The following FANCM variants were observed in gnomAD, a reference collection of about 807,000 sequenced individuals.
The protein encoded by FANCM is FA complementation group M, also known as Fanconi anemia group M protein.
FANCM carries 140 observed loss-of-function variants against 199.5 expected under a neutral mutation model. The ratio of observed to expected loss-of-function variants is 0.70; its 90% CI spans 0.61 to 0.81. The LOEUF (loss-of-function observed/expected upper bound fraction) is 0.81. FANCM is among the 30% of genes least tolerant of loss of function. The pLI is 0.00. For synonymous variants in FANCM, 840 were observed against 836.8 expected (o/e 1.00, Z -0.07); for missense variants, 2,410 against 2,421.4 (o/e 1.00, Z 0.10).
chr14:45,138,951 T>C (rs1326058047), intron 2 of FANCM, among the ~76,000 whole-genome samples: 3 of 152,254 alleles, frequency 2.0e-5, no homozygotes, highest in Non-Finnish European at 4.4e-5. Flanking sequence ...GTAATAGTTC[T>C]GGAAGGCATA....
chr14:45,190,688 C>T (rs1490115925), intron 20 of FANCM, among the ~76,000 whole-genome samples: 1 of 151,854 alleles, frequency 6.6e-6, no homozygotes, highest in Non-Finnish European at 1.5e-5. Flanking sequence ...CACAATGGTC[C>T]TCATATTTGT....
At chr14:45,166,811 A>G (rs1312813150) in intron 10 of FANCM, 139 bp from the exon 11 acceptor site, 7 of 632,118 alleles carry the variant, frequency 1.1e-5, no homozygotes, top group Middle Eastern at 4.3e-4. Context: ...AGACAACAGA[A>G]GCTCCATTTT....
At chr14:45,144,738 T>A (rs1304100483) in intron 3 of FANCM, among the ~76,000 whole-genome samples, 1 of 152,156 alleles carries the variant, frequency 6.6e-6, no homozygotes, top group Non-Finnish European at 1.5e-5. Context: ...TTCAGAGAAG[T>A]GGGTTCCCCT....
chr14:45,173,025 A>T (rs758485708), intron 12 of FANCM, 30 bp from the exon 13 acceptor site: 210 of 1,517,614 alleles, frequency 1.4e-4, no homozygotes, highest in Non-Finnish European at 1.8e-4. Flanking sequence ...GTATGTTTTC[A>T]TCATTTTTAT....
chr14:45,160,741 C>T (rs1887544353), intron 9 of FANCM, among the ~76,000 whole-genome samples: 1 of 151,944 alleles, frequency 6.6e-6, no homozygotes, highest in South Asian at 2.1e-4. Context: ...CGGGGTTTCA[C>T]CGTGTTACCC....
chr14:45,148,932 A>G lies in FANCM; in HGVS notation c.855A>G (p.Lys285=). 8.7e-6 allele frequency: 14 copies of G among 1,613,862 alleles called. No individual in the cohort carries two copies. Among genetic ancestry groups the G allele is most frequent in the Non-Finnish European group, 1.1e-5 (13 of 1,179,836 alleles). The change falls in exon 4 of 23, where the codon AAA becomes AAG. Residue 285 remains lysine (K), a synonymous_variant. Transcript: ENST00000267430. Reference sequence around the variant, plus strand: ...TTTTGACATATTCTCATGAAAGAAAAGTTGAAAAGCTTATTGTTCCGCTTG... The same window carrying G: ...TTTTGACATATTCTCATGAAAGAAAGGTTGAAAAGCTTATTGTTCCGCTTG... The part of the protein sequence containing the change: ...PDILTYSHER[K]VEKLIVPLGE...
At position 45,192,143 on chromosome 14, in the gene FANCM, A is replaced by G. The variant is rs1438362649; in HGVS notation, c.5340+2781A>G. On this transcript the variant is annotated intron_variant, in intron 20 of 22. Transcript: ENST00000267430. ...AAAGATAGAAAGTCCATCTTAAGTT[A>G]TGATGTAGAAAGGTGGAGGGAGTAT... is the stretch of plus-strand genomic sequence containing the variant. Among the ~76,000 whole-genome samples the G allele has an allele frequency of 4.6e-5, 7 of 152,252 alleles. No individual in the cohort carries two copies. In the East Asian group the frequency reaches 1.3e-3, roughly 29 times the overall value.
chr14:45,181,520 C>T lies in FANCM; in HGVS notation c.4313C>T (p.Pro1438Leu). ...GCAAAAGGAAATGTTTTAAACTCTCCTGAGGTGAGTCATTCAGTAATCACA... is the reference window on the plus strand; with the variant it reads ...GCAAAAGGAAATGTTTTAAACTCTCTTGAGGTGAGTCATTCAGTAATCACA... ...KRAKGNVLNSPEDQKNSEVDS... is the reference protein window; with the variant it reads ...KRAKGNVLNSLEDQKNSEVDS... The change falls in exon 15 of 23, where the codon CCT becomes CTT. Residue 1438 changes from proline (P) to leucine (L), a missense_variant. Transcript: ENST00000267430. 1 of 1,594,788 alleles carries T rather than the reference C, an allele frequency of 6.3e-7. No individual in the cohort carries two copies. Among genetic ancestry groups the T allele is most frequent in the Non-Finnish European group, 8.6e-7 (1 of 1,162,636 alleles).
chr14:45,185,424 A>C lies in FANCM; in HGVS notation c.4672+51A>C, dbSNP rs370122844. 4.3e-5 allele frequency: 45 copies of C among 1,042,608 alleles called. No individual in the cohort carries two copies. The East Asian group carries it at 1.1e-3, about 25-fold the overall frequency. 64.6% of individuals were successfully genotyped at this position (1,042,608 alleles called of 1,614,324 possible). ...TTTTTTTCAATGTTTTTATGTGCTT[A>C]TATTTAAATATTTTAATCAGTTTTT... is the stretch of plus-strand genomic sequence containing the variant. On this transcript the variant is annotated intron_variant, in intron 18 of 22. Transcript: ENST00000267430.
chr14:45,143,312 G>A (rs1311440166), intron 3 of FANCM, among the ~76,000 whole-genome samples: 1 of 151,894 alleles, frequency 6.6e-6, no homozygotes, highest in Non-Finnish European at 1.5e-5. Flanking sequence ...GACTACAGGT[G>A]CCTGCCACCA....
chr14:45,155,469 A>G lies in FANCM; in HGVS notation c.1396+10A>G, dbSNP rs371211104. ...TTCAAGTCATGGAATGGTAGGTCAT[A>G]TTTAGTAGCTTTAAGGCAAGACAAA... On this transcript the variant is annotated intron_variant, in intron 8 of 22. Transcript: ENST00000267430. 87 of 1,353,526 alleles carry G rather than the reference A, an allele frequency of 6.4e-5. No individual in the cohort carries two copies. The highest frequency in any genetic ancestry group is 1.7e-4 in the Admixed American group (10 of 59,340). The allele number at this position is 1,353,526 out of a possible 1,614,324, so 83.8% of individuals were successfully genotyped here. A position where few individuals can be genotyped will look rare whatever the true frequency, so the allele number is the denominator to read the frequency against.
In FANCM at chr14:45,167,172, A is replaced by G. The variant is rs758168454; in HGVS notation, c.2002+9A>G. Reference sequence around the variant, plus strand: ...CTTTTCCTATAGGGATGGTAAATAAATTTTGCATTTGACACATGCATTTTT... The same window carrying G: ...CTTTTCCTATAGGGATGGTAAATAAGTTTTGCATTTGACACATGCATTTTT... On this transcript the variant is annotated intron_variant, in intron 11 of 22. Transcript: ENST00000267430. 3.2e-6 allele frequency: 5 copies of G among 1,558,118 alleles called. No homozygotes were observed. Among genetic ancestry groups the G allele is most frequent in the Non-Finnish European group, 4.4e-6 (5 of 1,129,046 alleles).
intron 3 of FANCM, among the ~76,000 whole-genome samples, chr14:45,146,307 A>T (rs990896794): frequency 7.3e-5 from 11 of 151,338 alleles, no homozygotes; most frequent in South Asian, 4.2e-4. Flanking sequence ...ATATGAAGTG[A>T]ATACCAGGTA....
rs143558686 is a variant in FANCM at position 45,163,355 on chromosome 14, CATT to C, written c.1582-1000_1582-998del. ...GTGTGCCCTTGCACATAGTAGCTATCATTATTTATCAGCTAATTCAGCTTTTGA... is the reference window on the plus strand; with the variant it reads ...GTGTGCCCTTGCACATAGTAGCTATCATTTATCAGCTAATTCAGCTTTTGA... On this transcript the variant is annotated intron_variant, in intron 9 of 22. Coordinates refer to ENST00000267430, the MANE Select transcript of FANCM (RefSeq NM_020937.4). Among the ~76,000 whole-genome samples the C allele has an allele frequency of 3.4e-3, 516 of 152,310 alleles. 3 individuals carry two copies. The highest frequency in any genetic ancestry group is 5.9e-3 in the Non-Finnish European group (401 of 68,024).
chr14:45,197,510 G>A (rs1386589996), intron 21 of FANCM, among the ~76,000 whole-genome samples: 1 of 151,290 alleles, frequency 6.6e-6, no homozygotes, highest in Admixed American at 6.6e-5. Flanking sequence ...TGTTGCCCAG[G>A]CTGGAGTGCA....
Position 45,176,925 on chromosome 14 carries a change from T to A in FANCM, c.4171T>A (p.Ser1391Thr), listed in dbSNP as rs1465822046. ...TTATTCAGAATTTTCTCTAGAAAAG[T>A]CTAAAAGCAGTGGTCCAATGTATCT... ...FDYSEFSLEK[S>T]KSSGPMYLHK... Residue 1391 changes from serine (S) to threonine (T), a missense_variant, in exon 14 of 23, where the codon TCT becomes ACT. Ser to Thr is a moderately conservative substitution (Grantham distance 58, BLOSUM62 1). Transcript: ENST00000267430. 6.2e-7 allele frequency: 1 copy of A among 1,611,326 alleles called. No homozygotes were observed. Among genetic ancestry groups the A allele is most frequent in the Non-Finnish European group, 8.5e-7 (1 of 1,177,910 alleles).
At chr14:45,161,367 C>T (rs1358701624) in intron 9 of FANCM, among the ~76,000 whole-genome samples, 1 of 152,074 alleles carries the variant, frequency 6.6e-6, no homozygotes, top group Non-Finnish European at 1.5e-5. Context: ...TTGGGGGGGC[C>T]AGATCCTTTA....
chr14:45,193,379 C>G (rs1449231927), intron 20 of FANCM, among the ~76,000 whole-genome samples: 2 of 152,182 alleles, frequency 1.3e-5, no homozygotes, highest in Non-Finnish European at 2.9e-5. Flanking sequence ...TTCCATACTC[C>G]TAGTGCTCCC....
At chr14:45,190,889 T>A (rs1035035287) in intron 20 of FANCM, among the ~76,000 whole-genome samples, 1 of 152,186 alleles carries the variant, frequency 6.6e-6, no homozygotes, top group Non-Finnish European at 1.5e-5. Context: ...TGAGTTCTTA[T>A]TGTGTTGCTT....
Sources: allele counts gnomAD v4.1 joint callset (sites outside exome capture counted in the v4.1 genomes callset), GRCh38; gene constraint gnomAD v4.1.1; transcripts MANE v1.5; gene names NCBI Gene and HGNC (gene_info 2026-07-23, HGNC 2026-07-21).